Variants in EXOC6B observed in about 807,000 individuals in gnomAD.
EXOC6B encodes the protein SEC15 homolog B.
EXOC6B carries 54 observed loss-of-function variants against 113.5 expected under a neutral mutation model. The observed-to-expected ratio is 0.48, with a 90% CI of 0.38 to 0.60. The LOEUF (loss-of-function observed/expected upper bound fraction) is 0.60. Among genes scored for constraint, EXOC6B ranks in the 20% least tolerant of loss-of-function variants. EXOC6B has a pLI of 0.00. For synonymous variants in EXOC6B, 357 were observed against 339.0 expected (o/e 1.05, Z -0.58); for missense variants, 797 against 977.5 (o/e 0.82, Z 2.46).
intron 18 of EXOC6B, among the ~76,000 whole-genome samples, chr2:72,384,408 G>A (rs983505609): frequency 2.0e-5 from 3 of 152,018 alleles, no homozygotes; most frequent in Non-Finnish European, 4.4e-5. Context: ...TATAGCTAAT[G>A]TCATACACAA....
At chr2:72,669,002 A>T (rs1170677407) in intron 6 of EXOC6B, among the ~76,000 whole-genome samples, 1 of 152,158 alleles carries the variant, frequency 6.6e-6, no homozygotes, top group East Asian at 1.9e-4. Flanking sequence ...CAGGTGAATC[A>T]CTTGAGCCCA....
intron 18 of EXOC6B, among the ~76,000 whole-genome samples, chr2:72,423,434 A>G (rs1027249519): frequency 2.0e-5 from 3 of 152,210 alleles, no homozygotes; most frequent in Non-Finnish European, 2.9e-5. Flanking sequence ...GATTTTATAT[A>G]TGGGTTTTGA....
chr2:72,480,685 G>A lies in EXOC6B; in HGVS notation c.1731C>T (p.Ile577=). The A allele has an allele frequency of 1.3e-6, 2 of 1,593,988 alleles. No individual in the cohort carries two copies. The highest frequency in any genetic ancestry group is 1.1e-5 in the South Asian group (1 of 87,632). The part of the protein sequence containing the change: ...EKSCKYLEEF[I]TNITNVLPET... ...CTGGAAGCACATTAGTGATGTTGGT[G>A]ATAAATTCTTCCAAGTACTTACAGG... Residue 577 remains isoleucine, a synonymous_variant, in exon 17 of 22, where the codon ATC becomes ATT. Transcript: ENST00000272427.
At chr2:72,464,111 T>A (rs2105413509) in intron 18 of EXOC6B, 1 of 152,264 alleles carries the variant, frequency 6.6e-6, no homozygotes, top group Non-Finnish European at 1.5e-5. Flanking sequence ...AACATATGAT[T>A]TTTTGGGGTA....
In EXOC6B at chr2:72,698,080, C is replaced by A. The variant is rs943103790; in HGVS notation, c.669+20023G>T. On this transcript the variant is annotated intron_variant, in intron 6 of 21. Coordinates refer to ENST00000272427, the MANE Select transcript of EXOC6B (RefSeq NM_015189.3). ...GATGGGGAGGGGGAGTACAGTGATA[C>A]AGCCAATGAAAGGAGAACCTTGGGC... Among the ~76,000 whole-genome samples, 4 of 152,086 alleles carry A rather than the reference C, an allele frequency of 2.6e-5. No individual in the cohort carries two copies. The East Asian group carries it at 7.7e-4, about 29-fold the overall frequency.
intron 20 of EXOC6B, among the ~76,000 whole-genome samples, chr2:72,305,698 T>C (rs1042806288): frequency 6.6e-6 from 1 of 152,148 alleles, no homozygotes; most frequent in Non-Finnish European, 1.5e-5. Flanking sequence ...CTTGTAATGA[T>C]TAAATAGTTA....
intron 18 of EXOC6B, among the ~76,000 whole-genome samples, chr2:72,397,758 A>G (rs1047459082): frequency 1.3e-5 from 2 of 152,094 alleles, no homozygotes; most frequent in African/African-American, 2.4e-5. Context: ...ATCTGAAATC[A>G]TATGAGAGAT....
chr2:72,483,335 T>C (rs568750696), intron 16 of EXOC6B, among the ~76,000 whole-genome samples: 1 of 152,322 alleles, frequency 6.6e-6, no homozygotes, highest in South Asian at 2.1e-4. Flanking sequence ...AAATCAGTAT[T>C]ACCTATGGAA....
intron 1 of EXOC6B, among the ~76,000 whole-genome samples, chr2:72,786,092 A>C (rs1684359714): frequency 6.6e-6 from 1 of 152,226 alleles, no homozygotes; most frequent in Non-Finnish European, 1.5e-5. Flanking sequence ...AATTTAAGTA[A>C]GACATTCTAC....
intron 7 of EXOC6B, among the ~76,000 whole-genome samples, chr2:72,573,790 T>C (rs1213457872): frequency 1.3e-5 from 2 of 152,094 alleles, no homozygotes; most frequent in Non-Finnish European, 1.5e-5. Flanking sequence ...CAGAAGTGTG[T>C]CCCCTCAATA....
intron 1 of EXOC6B, among the ~76,000 whole-genome samples, chr2:72,745,328 C>T (rs1034256249): frequency 2.6e-5 from 4 of 152,042 alleles, no homozygotes; most frequent in Admixed American, 6.6e-5. Flanking sequence ...AAAGTTTCTA[C>T]CTGCTTATCA....
intron 19 of EXOC6B, among the ~76,000 whole-genome samples, chr2:72,339,850 A>C (rs940474676): frequency 6.6e-6 from 1 of 152,216 alleles, no homozygotes; most frequent in African/African-American, 2.4e-5. Context: ...AAAGAAAATC[A>C]CTAATATACT....
intron 6 of EXOC6B, among the ~76,000 whole-genome samples, chr2:72,685,413 T>C (rs1330982685): frequency 6.6e-6 from 1 of 152,092 alleles, no homozygotes; most frequent in Non-Finnish European, 1.5e-5. Context: ...AAGTGGTAAA[T>C]TAGCAAGTTT....
intron 8 of EXOC6B, among the ~76,000 whole-genome samples, chr2:72,529,110 T>G (rs1701875075): frequency 6.6e-6 from 1 of 152,186 alleles, no homozygotes; most frequent in African/African-American, 2.4e-5. Flanking sequence ...GAGCAGATAC[T>G]TTTGCTTTGC....
chr2:72,512,986 G>A (rs1701023596), intron 11 of EXOC6B, 146 bp downstream of exon 11: 1 of 906,070 alleles, frequency 1.1e-6, no homozygotes, highest in East Asian at 2.7e-5. Context: ...ATAATTTGAA[G>A]CAGCTACTTC....
At chr2:72,555,673 C>A (rs533270557) in intron 8 of EXOC6B, among the ~76,000 whole-genome samples, 1 of 152,064 alleles carries the variant, frequency 6.6e-6, no homozygotes, top group Non-Finnish European at 1.5e-5. Context: ...CAGAGTGAGT[C>A]CCCAGCTTTG....
At chr2:72,283,782 G>A (rs529942665) in intron 20 of EXOC6B, among the ~76,000 whole-genome samples, 9 of 152,184 alleles carry the variant, frequency 5.9e-5, no homozygotes, top group Middle Eastern at 3.4e-3. Context: ...AAGCCTAACT[G>A]ACCTGGGGGA....
At chr2:72,627,397 C>T (rs933689318) in intron 6 of EXOC6B, among the ~76,000 whole-genome samples, 1 of 152,182 alleles carries the variant, frequency 6.6e-6, no homozygotes, top group South Asian at 2.1e-4. Flanking sequence ...AATGAATTGC[C>T]GATAATACAG....
At chr2:72,478,485 C>G (rs1227993266) in intron 17 of EXOC6B, among the ~76,000 whole-genome samples, 1 of 152,176 alleles carries the variant, frequency 6.6e-6, no homozygotes, top group Non-Finnish European at 1.5e-5. Context: ...TCTGGGTTAG[C>G]TAGTCTGAAA....
Sources: allele counts gnomAD v4.1 joint callset (sites outside exome capture counted in the v4.1 genomes callset), GRCh38; gene constraint gnomAD v4.1.1; transcripts MANE v1.5; gene names NCBI Gene and HGNC (gene_info 2026-07-23, HGNC 2026-07-21).